The following SLC6A17 variants were observed in gnomAD, a reference collection of about 807,000 sequenced individuals.
The protein encoded by SLC6A17 is solute carrier family 6 member 17, also known as sodium-dependent neutral amino acid transporter SLC6A17.
Under a neutral mutation model 64.5 loss-of-function variants are expected in SLC6A17, and 21 were observed. The observed-to-expected ratio is 0.33, with a 90% CI of 0.23 to 0.47. The LOEUF (loss-of-function observed/expected upper bound fraction) is 0.47. Among genes scored for constraint, SLC6A17 ranks in the 20% least tolerant of loss-of-function variants. The probability of loss-of-function intolerance (pLI) is 1.00; values close to 1 mark genes in which losing one functional copy is unlikely to be tolerated. For missense variants in SLC6A17, 682 were observed against 963.2 expected (o/e 0.71, Z 3.86); for synonymous variants, 372 against 399.5 (o/e 0.93, Z 0.82).
chr1:110,171,934 G>T, intron 2 of SLC6A17, 126 bp from the exon 3 acceptor site: 1 of 1,257,630 alleles, frequency 8.0e-7, no homozygotes, highest in East Asian at 2.4e-5. Context: ...GAGGAGCACC[G>T]GGACTGGTGA....
rs781394637 is a variant in SLC6A17, at chr1:110,172,073, G to A, written c.300G>A (p.Val100=). Residue 100 remains valine (V), a synonymous_variant, in exon 3 of 12, where the codon GTG becomes GTA. Coordinates refer to ENST00000331565, the MANE Select transcript of SLC6A17 (RefSeq NM_001010898.4). ...CQKNGGGAYL[V]PYLVLLIIIG... The stretch of plus-strand genomic sequence containing the variant: ...CTCTCCCCACAGGTGCTTACCTGGT[G>A]CCCTACCTGGTGCTGCTGATCATCA... The A allele has an allele frequency of 3.1e-6, 5 of 1,614,088 alleles. No homozygotes were observed. The highest frequency in any genetic ancestry group is 2.2e-5 in the East Asian group (1 of 44,884).
intron 2 of SLC6A17, among the ~76,000 whole-genome samples, chr1:110,169,574 G>A (rs1656161540): frequency 6.6e-6 from 1 of 152,068 alleles, no homozygotes; most frequent in Admixed American, 6.5e-5. Flanking sequence ...TAAACCCCAG[G>A]AATAACCTCG....
At chr1:110,156,260 G>T (rs1655757895) in intron 1 of SLC6A17, among the ~76,000 whole-genome samples, 1 of 152,224 alleles carries the variant, frequency 6.6e-6, no homozygotes, top group African/African-American at 2.4e-5. Flanking sequence ...CTCTCTGGGA[G>T]AAATGGTGGT....
intron 6 of SLC6A17, 68 bp downstream of exon 6, chr1:110,176,807 C>A: frequency 7.3e-7 from 1 of 1,369,864 alleles, no homozygotes; most frequent in Non-Finnish European, 1.0e-6. Flanking sequence ...CAGCTTCCTG[C>A]AATTTCATGG....
rs1475131953 is a variant in SLC6A17 at position 110,192,024 on chromosome 1, T to C, written c.917T>C (p.Phe306Ser). 6.2e-7 allele frequency: 1 copy of C among 1,614,196 alleles called. No individual in the cohort carries two copies. Residue 306 changes from phenylalanine to serine, a missense_variant, in exon 7 of 12, where the codon TTC becomes TCC. Physicochemically the swap from Phe to Ser is radical, Grantham distance 155 (BLOSUM62 -2). This residue lies in a region of SLC6A17 where 415 missense variants were observed against 603.8 expected (regional missense o/e 0.69). Coordinates refer to ENST00000331565, the MANE Select transcript of SLC6A17 (RefSeq NM_001010898.4). The surrounding 1 kb of genome is among the most constrained non-coding windows in gnomAD (Gnocchi z 4.3). ...TGGCGGGAGGCAGCTACCCAGGTCT[T>C]CTTTGCCTTGGGCCTGGGCTTTGGT... ...QVWREAATQV[F>S]FALGLGFGGV...
At chr1:110,155,881 C>T in intron 1 of SLC6A17, among the ~76,000 whole-genome samples, 1 of 152,162 alleles carries the variant, frequency 6.6e-6, no homozygotes, top group East Asian at 1.9e-4. Flanking sequence ...GCTTTAAATC[C>T]CACACCAGCT....
intron 6 of SLC6A17, among the ~76,000 whole-genome samples, chr1:110,183,134 G>A (rs1656577661): frequency 1.3e-5 from 2 of 152,154 alleles, no homozygotes; most frequent in African/African-American, 2.4e-5. Flanking sequence ...ATATCCAAGA[G>A]AACTGAAAGC....
chr1:110,193,512 G>T (rs948525269), intron 8 of SLC6A17, among the ~76,000 whole-genome samples: 1 of 152,258 alleles, frequency 6.6e-6, no homozygotes, highest in African/African-American at 2.4e-5. Flanking sequence ...AGGCTCACAT[G>T]GGGCGGAGCC....
intron 10 of SLC6A17, 45 bp downstream of exon 10, chr1:110,195,790 T>C (rs1250817354): frequency 1.9e-6 from 3 of 1,609,638 alleles, no homozygotes; most frequent in Non-Finnish European, 2.5e-6. Flanking sequence ...GAGGGGTCTG[T>C]CCTATCATGA....
chr1:110,171,211 C>G lies in SLC6A17; in HGVS notation c.287-849C>G, dbSNP rs780840552. 5.3e-5 allele frequency among the ~76,000 whole-genome samples: 8 copies of G among 152,182 alleles called. 1 individual carries two copies. The highest frequency in any genetic ancestry group is 2.1e-4 in the South Asian group (1 of 4,830). On this transcript the variant is annotated intron_variant, in intron 2 of 11. Coordinates refer to ENST00000331565, the MANE Select transcript of SLC6A17 (RefSeq NM_001010898.4). ...TGGGTGACCATCAGGGCCCTGGTGA[C>G]TGGGGCTGGCCTGACAGTGTTTGAC...
In SLC6A17 at chr1:110,162,088, C is replaced by G. The variant is rs150172596; in HGVS notation, c.-87-4755C>G. Among the ~76,000 whole-genome samples, 65 of 152,390 alleles carry G rather than the reference C, an allele frequency of 4.3e-4. No homozygotes were observed. The East Asian group carries it at 0.012, about 28-fold the overall frequency. On this transcript the variant is annotated intron_variant, in intron 1 of 11. Transcript: ENST00000331565. Reference sequence around the variant, plus strand: ...TTCTCGGCACTCGTGCCCCTCTGCGCTGTGCTTTCAGGGATGGAGGCACTC... The same window carrying G: ...TTCTCGGCACTCGTGCCCCTCTGCGGTGTGCTTTCAGGGATGGAGGCACTC...
At chr1:110,174,752 G>T (rs199792205) in intron 4 of SLC6A17, 27 bp from the exon 5 acceptor site, 5 of 1,608,908 alleles carry the variant, frequency 3.1e-6, no homozygotes, top group African/African-American at 1.3e-5. Flanking sequence ...TGCCACTGAG[G>T]CCCTGTGACC....
chr1:110,158,348 G>A lies in SLC6A17; in HGVS notation c.-88+7465G>A, dbSNP rs889562787. Among the ~76,000 whole-genome samples, 8 of 152,206 alleles carry A rather than the reference G, an allele frequency of 5.3e-5. No homozygotes were observed. In the South Asian group the frequency reaches 1.0e-3, roughly 20 times the overall value. On this transcript the variant is annotated intron_variant, in intron 1 of 11. Transcript: ENST00000331565. Reference sequence around the variant, plus strand: ...CCAGGCCAAAAGGGGAGTAGAAGTCGGAGAACTGAGCCCCAGTATCCCCTG... The same window carrying A: ...CCAGGCCAAAAGGGGAGTAGAAGTCAGAGAACTGAGCCCCAGTATCCCCTG...
chr1:110,157,842 A>G (rs1262319581), intron 1 of SLC6A17, among the ~76,000 whole-genome samples: 1 of 152,068 alleles, frequency 6.6e-6, no homozygotes, highest in Non-Finnish European at 1.5e-5. Flanking sequence ...GCCTCAGGAC[A>G]TTTGCACTTT....
At chr1:110,184,801 T>G (rs749792458) in intron 6 of SLC6A17, among the ~76,000 whole-genome samples, 4 of 152,172 alleles carry the variant, frequency 2.6e-5, no homozygotes, top group Non-Finnish European at 5.9e-5. Flanking sequence ...GTGTATGTAA[T>G]GTATGTGTGT....
At chr1:110,174,726 G>T (rs1057251502) in intron 4 of SLC6A17, 53 bp from the exon 5 acceptor site, 2 of 1,586,012 alleles carry the variant, frequency 1.3e-6, no homozygotes, top group Non-Finnish European at 1.7e-6. Context: ...AGCAGAGGAA[G>T]TGACCCCATA....
At chr1:110,164,935 A>C (rs1053814454) in intron 1 of SLC6A17, among the ~76,000 whole-genome samples, 11 of 152,124 alleles carry the variant, frequency 7.2e-5, no homozygotes, top group African/African-American at 2.7e-4. Context: ...AATCATACCT[A>C]ATGCACTGCT....
chr1:110,158,909 C>T (rs572108087), intron 1 of SLC6A17, among the ~76,000 whole-genome samples: 9 of 152,328 alleles, frequency 5.9e-5, no homozygotes, highest in African/African-American at 2.2e-4. Context: ...GGGTCTATGG[C>T]AGCTCACCCT....
At chr1:110,197,011 C>G (rs1361703832) in intron 10 of SLC6A17, among the ~76,000 whole-genome samples, 1 of 152,206 alleles carries the variant, frequency 6.6e-6, no homozygotes, top group Non-Finnish European at 1.5e-5. Flanking sequence ...TCTGCTCACC[C>G]CTTGGTGAGA....
Sources: allele counts gnomAD v4.1 joint callset (sites outside exome capture counted in the v4.1 genomes callset), GRCh38; gene constraint gnomAD v4.1.1; regional missense constraint gnomAD v4.1.1; non-coding constraint Gnocchi (gnomAD v3.1); transcripts MANE v1.5; gene names NCBI Gene and HGNC (gene_info 2026-07-23, HGNC 2026-07-21).